Variants in KCNK5 observed in about 807,000 individuals in gnomAD.
KCNK5 encodes potassium two pore domain channel subfamily K member 5, also known as potassium channel subfamily K member 5.
In KCNK5, 18 loss-of-function variants were observed where a neutral mutation model predicts 32.9. That is an observed-to-expected ratio of 0.55 (90% CI 0.38 to 0.81). The LOEUF is 0.81. KCNK5 is among the 30% of genes least tolerant of loss of function. KCNK5 has a pLI of 0.00. For synonymous variants in KCNK5, 276 were observed against 275.3 expected (o/e 1.00, Z -0.03); for missense variants, 507 against 651.0 (o/e 0.78, Z 2.41).
chr6:39,218,743 C>T (rs1423527752), intron 1 of KCNK5, among the ~76,000 whole-genome samples: 2 of 152,100 alleles, frequency 1.3e-5, no homozygotes, highest in South Asian at 4.1e-4. Flanking sequence ...TCTGCTCCTT[C>T]CCCCTGGAGT....
chr6:39,195,900 C>A lies in KCNK5; in HGVS notation c.274G>T (p.Ala92Ser), dbSNP rs1312883195. 6.2e-7 allele frequency: 1 copy of A among 1,613,842 alleles called. No homozygotes were observed. The highest frequency in any genetic ancestry group is 1.7e-5 in the Admixed American group (1 of 60,010). The change falls in exon 2 of 5, where the codon GCA becomes TCA. Residue 92 changes from alanine to serine, a missense_variant. Physicochemically the swap from Ala to Ser is moderately conservative, Grantham distance 99. Around this residue, in one of 6 missense-constraint regions of KCNK5, gnomAD observed 143 missense variants for 219.1 expected, o/e 0.65. Transcript: ENST00000359534. ...NWNWPNAMIF[A>S]ATVITTIGYG... The stretch of plus-strand genomic sequence containing the variant: ...CCAATGGTGGTAATGACGGTCGCTG[C>A]AAAAATCATTGCATTGGGCCAGTTC...
At chr6:39,207,522 G>T (rs1771250122) in intron 1 of KCNK5, among the ~76,000 whole-genome samples, 1 of 152,012 alleles carries the variant, frequency 6.6e-6, no homozygotes, top group Non-Finnish European at 1.5e-5. Flanking sequence ...CAGGCCCCGG[G>T]GTCTCCTCCC....
At chr6:39,224,227 C>G (rs561352580) in intron 1 of KCNK5, among the ~76,000 whole-genome samples, 10 of 152,202 alleles carry the variant, frequency 6.6e-5, no homozygotes, top group African/African-American at 2.4e-4. Context: ...AGTAAGAACT[C>G]AAGCTCGGAC....
At position 39,228,921 on chromosome 6, in the gene KCNK5, C is replaced by G; in HGVS notation, c.186+5G>C. ...ATGTATATGGGGGTACAGGCGGCGA[C>G]TGACCTCTAGGATCTTGTCCAGGCC... is the stretch of plus-strand genomic sequence containing the variant. On this transcript the variant is annotated splice_donor_5th_base_variant and intron_variant, in intron 1 of 4. Transcript: ENST00000359534. The G allele has an allele frequency of 6.2e-7, 1 of 1,613,914 alleles. No individual in the cohort carries two copies. The highest frequency in any genetic ancestry group is 1.6e-4 in the Middle Eastern group (1 of 6,062).
intron 1 of KCNK5, among the ~76,000 whole-genome samples, chr6:39,228,181 C>T (rs970258371): frequency 6.6e-6 from 1 of 152,120 alleles, no homozygotes; most frequent in African/African-American, 2.4e-5. Context: ...CCCCACCCAC[C>T]CCAATTCCGC....
At chr6:39,196,296 C>T (rs562774728) in intron 1 of KCNK5, among the ~76,000 whole-genome samples, 39 of 152,314 alleles carry the variant, frequency 2.6e-4, no homozygotes, top group African/African-American at 9.4e-4. Flanking sequence ...CTGGCCCCTA[C>T]TACTCCGAGT....
Position 39,229,179 on chromosome 6 carries a change from T to A in KCNK5, c.-68A>T. The A allele has an allele frequency of 6.6e-7, 1 of 1,523,744 alleles. No individual in the cohort carries two copies. The allele number at this position is 1,523,744 out of a possible 1,614,324, so 94.4% of individuals were successfully genotyped here. ...CCAGCTGCTACCAGTCCGCCCGCCC[T>A]CCAGCCTCTGAAAACAGCTGTTTGA... On this transcript the variant is annotated 5_prime_UTR_variant, in exon 1 of 5. Coordinates refer to ENST00000359534, the MANE Select transcript of KCNK5 (RefSeq NM_003740.4).
chr6:39,202,347 C>T (rs1026494014), intron 1 of KCNK5, among the ~76,000 whole-genome samples: 5 of 152,136 alleles, frequency 3.3e-5, no homozygotes, highest in African/African-American at 1.2e-4. Flanking sequence ...AGGAGAGGCA[C>T]AGACCCCAGC....
rs1436556127 is a variant in KCNK5, at chr6:39,191,106, G to T, written c.1284C>A (p.Gly428=). The T allele has an allele frequency of 1.2e-6, 2 of 1,614,162 alleles. No homozygotes were observed. The highest frequency in any genetic ancestry group is 1.7e-6 in the Non-Finnish European group (2 of 1,180,026). ...ASITFVNTEA[G]LSDEETSKSS... ...ACTTGGAGGTCTCCTCGTCTGAGAGGCCAGCCTCCGTGTTCACGAAGGTGA... is the reference window on the plus strand; with the variant it reads ...ACTTGGAGGTCTCCTCGTCTGAGAGTCCAGCCTCCGTGTTCACGAAGGTGA... Residue 428 remains glycine (G), a synonymous_variant, in exon 5 of 5, where the codon GGC becomes GGA. Transcript: ENST00000359534. The surrounding 1 kb of genome is among the most constrained non-coding windows in gnomAD (Gnocchi z 5.8).
chr6:39,228,874 C>G, intron 1 of KCNK5, 52 bp downstream of exon 1: 1 of 1,590,790 alleles, frequency 6.3e-7, no homozygotes, highest in Non-Finnish European at 8.6e-7. Context: ...TCAGCGCCCC[C>G]TAAAGCTCAA....
intron 1 of KCNK5, among the ~76,000 whole-genome samples, chr6:39,221,552 C>T (rs1235496712): frequency 6.6e-6 from 1 of 152,202 alleles, no homozygotes; most frequent in East Asian, 1.9e-4. Flanking sequence ...ACAGAATGCT[C>T]ACAGGGCTAC....
intron 1 of KCNK5, among the ~76,000 whole-genome samples, chr6:39,222,266 A>T (rs772208354): frequency 6.6e-6 from 1 of 152,200 alleles, no homozygotes; most frequent in Non-Finnish European, 1.5e-5. Context: ...TAGAGTGTGA[A>T]GGTCAGTGGG....
intron 1 of KCNK5, among the ~76,000 whole-genome samples, chr6:39,204,291 A>G (rs896125132): frequency 6.6e-6 from 1 of 152,230 alleles, no homozygotes; most frequent in African/African-American, 2.4e-5. Context: ...CGCAGGGCCT[A>G]AAAACCCAGG....
intron 1 of KCNK5, among the ~76,000 whole-genome samples, chr6:39,216,119 C>T (rs1202363682): frequency 6.6e-6 from 1 of 152,104 alleles, no homozygotes; most frequent in African/African-American, 2.4e-5. Context: ...CCTGTCTCTA[C>T]TAAAAATACA....
chr6:39,214,700 G>A (rs1436928099), intron 1 of KCNK5, among the ~76,000 whole-genome samples: 5 of 152,116 alleles, frequency 3.3e-5, no homozygotes, highest in African/African-American at 4.8e-5. Context: ...AATAGTCCCC[G>A]TGCAATGTCC....
intron 1 of KCNK5, among the ~76,000 whole-genome samples, chr6:39,214,130 A>G (rs1258253310): frequency 6.6e-6 from 1 of 152,150 alleles, no homozygotes; most frequent in Non-Finnish European, 1.5e-5. Context: ...CCAAAAAGAG[A>G]GGCTGTGCCA....
chr6:39,203,451 G>A (rs951145972), intron 1 of KCNK5, among the ~76,000 whole-genome samples: 1 of 152,232 alleles, frequency 6.6e-6, no homozygotes, highest in Non-Finnish European at 1.5e-5. Flanking sequence ...ACCCTGGCCA[G>A]TTTCTCGTCC....
intron 1 of KCNK5, among the ~76,000 whole-genome samples, chr6:39,201,727 TG>T (rs2113784439): frequency 6.6e-6 from 1 of 152,340 alleles, no homozygotes; most frequent in African/African-American, 2.4e-5. Context: ...GGTGTGGGCA[TG>T]GCTATTCATT....
At position 39,191,020 on chromosome 6, in the gene KCNK5, GCCTTGGCTTCAGCCC is replaced by G; in HGVS notation, c.1355_1369del (p.Gly452_Lys456del). ...GGGGAACTCGCCCATGTTCAGGGGC[GCCTTGGCTTCAGCCC>G]CCTGCTGGGGGCTCTCCTCCCCTGC... On this transcript the variant is annotated inframe_deletion, in exon 5 of 5. Coordinates refer to ENST00000359534, the MANE Select transcript of KCNK5 (RefSeq NM_003740.4). This position sits in a 1 kb window ranked among gnomAD's most constrained non-coding sequence, Gnocchi z 5.8. 1 of 1,599,676 alleles carries G rather than the reference GCCTTGGCTTCAGCCC, an allele frequency of 6.3e-7. No homozygotes were observed. The highest frequency in any genetic ancestry group is 8.5e-7 in the Non-Finnish European group (1 of 1,173,284).
Sources: gnomAD v4.1 joint callset for allele counts (sites outside exome capture counted in the v4.1 genomes callset) on GRCh38, gnomAD v4.1.1 for gene constraint, gnomAD v4.1.1 regional missense constraint, Gnocchi (gnomAD v3.1) non-coding constraint, MANE v1.5 for transcripts, NCBI Gene and HGNC (gene_info 2026-07-23, HGNC 2026-07-21) for gene names.